Variants in TBC1D5 observed in about 807,000 individuals in gnomAD.
TBC1D5 encodes TBC1 domain family member 5.
Under a neutral mutation model 100.3 loss-of-function variants are expected in TBC1D5, and 75 were observed. The observed-to-expected ratio is 0.75, with a 90% CI of 0.62 to 0.91. The LOEUF is 0.91. Among genes scored for constraint, TBC1D5 ranks in the 40% least tolerant of loss-of-function variants. The pLI is 0.00. For synonymous variants in TBC1D5, 323 were observed against 325.6 expected, an observed-to-expected ratio of 0.99 and a Z score of 0.09; for missense variants, 910 against 942.4, an observed-to-expected ratio of 0.97 and a Z score of 0.45.
At chr3:17,576,935 C>T (rs2096660622) in intron 2 of TBC1D5, among the ~76,000 whole-genome samples, 1 of 151,928 alleles carries the variant, frequency 6.6e-6, no homozygotes, top group South Asian at 2.1e-4. Context: ...AATTTATAAT[C>T]ACATGTAATA....
At chr3:17,327,017 C>A (rs1201601226) in intron 13 of TBC1D5, among the ~76,000 whole-genome samples, 1 of 152,180 alleles carries the variant, frequency 6.6e-6, no homozygotes, top group Non-Finnish European at 1.5e-5. Flanking sequence ...TATACTGATA[C>A]CATCCTGATC....
At chr3:17,512,542 T>G (rs1394438241) in intron 2 of TBC1D5, among the ~76,000 whole-genome samples, 1 of 152,162 alleles carries the variant, frequency 6.6e-6, no homozygotes, top group African/African-American at 2.4e-5. Flanking sequence ...TAGATTTTAG[T>G]TCTCTTCAAT....
At chr3:17,479,878 C>T (rs981290896) in intron 3 of TBC1D5, among the ~76,000 whole-genome samples, 1 of 152,138 alleles carries the variant, frequency 6.6e-6, no homozygotes, top group Non-Finnish European at 1.5e-5. Context: ...CAGGGAGCCC[C>T]TCTTCCTATC....
At chr3:17,599,011 C>T (rs2060756398) in intron 2 of TBC1D5, among the ~76,000 whole-genome samples, 1 of 152,102 alleles carries the variant, frequency 6.6e-6, no homozygotes, top group South Asian at 2.1e-4. Context: ...CTATGGAGGA[C>T]TGAGAAACAA....
intron 2 of TBC1D5, among the ~76,000 whole-genome samples, chr3:17,558,838 T>A (rs2096538303): frequency 6.6e-6 from 1 of 152,198 alleles, no homozygotes; most frequent in Non-Finnish European, 1.5e-5. Flanking sequence ...GAAATAGCAT[T>A]CCTACCTTGA....
At chr3:17,503,240 A>G (rs141169599) in intron 3 of TBC1D5, among the ~76,000 whole-genome samples, 5 of 149,766 alleles carry the variant, frequency 3.3e-5, no homozygotes, top group Admixed American at 2.0e-4. Flanking sequence ...CTCATAGCAT[A>G]AACTCTTTAC....
At position 17,434,998 on chromosome 3, in the gene TBC1D5, A is replaced by G. The variant is rs188471850; in HGVS notation, c.98-6479T>C. Among the ~76,000 whole-genome samples, 156 of 152,350 alleles carry G rather than the reference A, an allele frequency of 1.0e-3. 1 individual carries two copies. The highest frequency in any genetic ancestry group is 3.5e-3 in the African/African-American group (145 of 41,586). On this transcript the variant is annotated intron_variant, in intron 3 of 21. Transcript: ENST00000253692. Reference sequence around the variant, plus strand: ...ATGCCACCAGTCTGTTTGCATAGCAAGAGTTAACTTTATTCCAGTTCCCAA... The same window carrying G: ...ATGCCACCAGTCTGTTTGCATAGCAGGAGTTAACTTTATTCCAGTTCCCAA...
chr3:17,270,496 G>C (rs1383323406), intron 15 of TBC1D5, among the ~76,000 whole-genome samples: 1 of 152,154 alleles, frequency 6.6e-6, no homozygotes, highest in African/African-American at 2.4e-5. Flanking sequence ...GAAGTAAGTA[G>C]AAGGCTCATT....
chr3:17,639,966 C>T (rs1577173255), intron 1 of TBC1D5, among the ~76,000 whole-genome samples: 1 of 152,102 alleles, frequency 6.6e-6, no homozygotes, highest in African/African-American at 2.4e-5. Flanking sequence ...AGGGAATGCA[C>T]ATGAGATCAT....
intron 2 of TBC1D5, among the ~76,000 whole-genome samples, chr3:17,548,613 G>A (rs1034028342): frequency 1.3e-5 from 2 of 152,166 alleles, no homozygotes; most frequent in Non-Finnish European, 2.9e-5. Context: ...AGCTACTGTT[G>A]AGGGGAGAAA....
Position 17,213,391 on chromosome 3 carries a change from G to A in TBC1D5, c.1752+816C>T, listed in dbSNP as rs2073220698. Among the ~76,000 whole-genome samples the A allele has an allele frequency of 2.0e-5, 3 of 152,274 alleles. No homozygotes were observed. The South Asian group carries it at 6.2e-4, about 32-fold the overall frequency. On this transcript the variant is annotated intron_variant, in intron 18 of 21. Coordinates refer to ENST00000253692, the Ensembl canonical transcript of TBC1D5. ...ATAAAATGTGGTTAAACGTGAAGTT[G>A]GCTTATAATAATTTCAGACACAACC...
At chr3:17,189,194 T>G (rs1239696897) in intron 18 of TBC1D5, among the ~76,000 whole-genome samples, 1 of 152,236 alleles carries the variant, frequency 6.6e-6, no homozygotes, top group Non-Finnish European at 1.5e-5. Flanking sequence ...ATTCTTTCTT[T>G]AAAAAAATTT....
At chr3:17,212,507 T>A (rs2073104119) in intron 18 of TBC1D5, among the ~76,000 whole-genome samples, 1 of 151,570 alleles carries the variant, frequency 6.6e-6, no homozygotes, top group Admixed American at 6.6e-5. Context: ...TATATATATA[T>A]AAAAAAAGAG....
intron 4 of TBC1D5, among the ~76,000 whole-genome samples, chr3:17,421,325 A>G (rs2094202217): frequency 6.6e-6 from 1 of 152,190 alleles, no homozygotes; most frequent in Non-Finnish European, 1.5e-5. Context: ...TGCTCTCTGA[A>G]GTGATCATTT....
chr3:17,698,234 C>T (rs569873423), intron 1 of TBC1D5, among the ~76,000 whole-genome samples: 131 of 152,256 alleles, frequency 8.6e-4, no homozygotes, highest in Non-Finnish European at 1.7e-3. Context: ...TCAGAAATAA[C>T]GCCGCATATC....
At chr3:17,542,249 C>T (rs974143471) in intron 2 of TBC1D5, among the ~76,000 whole-genome samples, 1 of 152,166 alleles carries the variant, frequency 6.6e-6, no homozygotes, top group African/African-American at 2.4e-5. Context: ...TGAGATTGCA[C>T]CACTGCACTC....
chr3:17,268,827 T>C (rs545153729), intron 15 of TBC1D5, among the ~76,000 whole-genome samples: 19 of 152,150 alleles, frequency 1.2e-4, no homozygotes, highest in Non-Finnish European at 2.8e-4. Context: ...GATGCCTTTT[T>C]CCAGAAAACT....
chr3:17,612,167 G>A (rs549273417), intron 2 of TBC1D5, among the ~76,000 whole-genome samples: 3 of 151,740 alleles, frequency 2.0e-5, no homozygotes, highest in African/African-American at 7.3e-5. Flanking sequence ...GGGTGTGGTG[G>A]TGTGTACCTG....
chr3:17,696,348 G>T (rs1167088343), intron 1 of TBC1D5, among the ~76,000 whole-genome samples: 2 of 152,040 alleles, frequency 1.3e-5, no homozygotes, highest in Non-Finnish European at 2.9e-5. Context: ...CTGATAGACT[G>T]CTAGCAAGAC....
Sources: gnomAD v4.1 joint callset for allele counts (sites outside exome capture counted in the v4.1 genomes callset) on GRCh38, gnomAD v4.1.1 for gene constraint, MANE v1.5 for transcripts, NCBI Gene and HGNC (gene_info 2026-07-23, HGNC 2026-07-21) for gene names.